NSUN6: variants seen among roughly 807,000 people sequenced by gnomAD.
NSUN6 encodes tRNA (cytosine(72)-C(5))-methyltransferase NSUN6.
Under a neutral mutation model 58.0 loss-of-function variants are expected in NSUN6, and 64 were observed. The ratio of observed to expected loss-of-function variants is 1.10; its 90% CI spans 0.90 to 1.36. The LOEUF (loss-of-function observed/expected upper bound fraction) is 1.36. Ranked by LOEUF, NSUN6 falls within the 40% of genes most tolerant of loss-of-function variation. The probability of loss-of-function intolerance (pLI) is 0.00; values close to 1 mark genes in which losing one functional copy is unlikely to be tolerated. For synonymous variants in NSUN6, 231 were observed against 193.9 expected, an observed-to-expected ratio of 1.19 and a Z score of -1.59; for missense variants, 701 against 550.1, an observed-to-expected ratio of 1.27 and a Z score of -2.74.
intron 8 of NSUN6, among the ~76,000 whole-genome samples, chr10:18,572,045 CA>C (rs2056396620): frequency 6.6e-6 from 1 of 151,002 alleles, no homozygotes. Flanking sequence ...CATTCCTTTC[CA>C]TTCCATTTCC....
At chr10:18,652,528 A>G (rs927661121), upstream of NSUN6, 2 of 984,358 alleles carry the variant, frequency 2.0e-6, no homozygotes, top group Non-Finnish European at 1.2e-6. Context: ...TGACCATTAT[A>G]CCACACAACA....
intron 8 of NSUN6, among the ~76,000 whole-genome samples, chr10:18,555,906 A>AGAATGGAGTG (rs2054974844): frequency 7.1e-6 from 1 of 140,502 alleles, no homozygotes; most frequent in Non-Finnish European, 1.5e-5. Flanking sequence ...AATGGAATGG[A>AGAATGGAGTG]GAATGGAATG....
At chr10:18,657,024 C>G (rs2059785312), upstream of NSUN6, among the ~76,000 whole-genome samples, 1 of 151,946 alleles carries the variant, frequency 6.6e-6, no homozygotes, top group Non-Finnish European at 1.5e-5. Context: ...GACAGGATTT[C>G]TCCATGTTGT....
chr10:18,627,934 T>C (rs182532944), intron 3 of NSUN6, among the ~76,000 whole-genome samples: 7,293 of 152,346 alleles, frequency 0.048, 237 homozygotes, highest in Non-Finnish European at 0.072. Flanking sequence ...CCTGCCTCTG[T>C]AGGCTCCACC....
At chr10:18,569,453 ACCTCCATTCCATTCCTTTCCAT>A (rs1256659885) in intron 8 of NSUN6, among the ~76,000 whole-genome samples, 1 of 126,438 alleles carries the variant, frequency 7.9e-6, no homozygotes, top group African/African-American at 3.0e-5. Context: ...CTCCTTACCA[ACCTCCATTCCATTCCTTTCCAT>A]CCTCCATTCC....
At chr10:18,588,818 G>A (rs1169844536) in intron 7 of NSUN6, among the ~76,000 whole-genome samples, 2 of 152,174 alleles carry the variant, frequency 1.3e-5, no homozygotes. Flanking sequence ...GGAAATAACA[G>A]CACAAAAATG....
At chr10:18,550,926 A>T (rs2054559790) in intron 9 of NSUN6, among the ~76,000 whole-genome samples, 1 of 152,068 alleles carries the variant, frequency 6.6e-6, no homozygotes, top group Admixed American at 6.6e-5. Flanking sequence ...GGGTTTTGCC[A>T]TGTTGGCCAG....
chr10:18,575,743 C>CAGGAG (rs1240967989), intron 8 of NSUN6, among the ~76,000 whole-genome samples: 3 of 152,300 alleles, frequency 2.0e-5, no homozygotes, highest in East Asian at 3.9e-4. Flanking sequence ...AGATACTGGT[C>CAGGAG]TTTCTCCTTA....
chr10:18,567,890 C>T (rs904292272), intron 8 of NSUN6, among the ~76,000 whole-genome samples: 3 of 150,864 alleles, frequency 2.0e-5, no homozygotes, highest in Admixed American at 1.3e-4. Flanking sequence ...TCCTCCATTC[C>T]ATTCTATTCA....
At chr10:18,649,092 C>G (rs751837826) in intron 1 of NSUN6, among the ~76,000 whole-genome samples, 1 of 151,968 alleles carries the variant, frequency 6.6e-6, no homozygotes, top group African/African-American at 2.4e-5. Flanking sequence ...TTTTAAAATA[C>G]CAATATTTAA....
At chr10:18,580,801 C>A (rs935005370) in intron 8 of NSUN6, among the ~76,000 whole-genome samples, 1 of 152,200 alleles carries the variant, frequency 6.6e-6, no homozygotes, top group Non-Finnish European at 1.5e-5. Context: ...CCCAAGTGAA[C>A]TTGCTAGCAG....
At chr10:18,555,314 G>C (rs1200528168) in intron 8 of NSUN6, among the ~76,000 whole-genome samples, 3 of 141,984 alleles carry the variant, frequency 2.1e-5, no homozygotes, top group Non-Finnish European at 4.6e-5. Context: ...ATGGAATAGA[G>C]TGGAATGGAG....
intron 2 of NSUN6, among the ~76,000 whole-genome samples, chr10:18,646,873 C>A (rs893796677): frequency 6.6e-6 from 1 of 152,106 alleles, no homozygotes; most frequent in Non-Finnish European, 1.5e-5. Context: ...ATGGATACTT[C>A]CAGTGGGCCT....
At chr10:18,622,675 C>A (rs966244108) in intron 3 of NSUN6, among the ~76,000 whole-genome samples, 2 of 152,182 alleles carry the variant, frequency 1.3e-5, no homozygotes. Flanking sequence ...TGCCATTGCA[C>A]TCTAGCCTGG....
intron 8 of NSUN6, among the ~76,000 whole-genome samples, chr10:18,567,609 C>G (rs1325931378): frequency 6.7e-6 from 1 of 149,242 alleles, no homozygotes; most frequent in Non-Finnish European, 1.5e-5. Context: ...CCATTCCATT[C>G]TCTATTCCAT....
intron 3 of NSUN6, among the ~76,000 whole-genome samples, chr10:18,627,522 G>A (rs1391604212): frequency 6.6e-6 from 1 of 152,194 alleles, no homozygotes; most frequent in African/African-American, 2.4e-5. Context: ...ACTAGGGAGT[G>A]CCAGACAGTG....
chr10:18,658,575 A>G (rs2059803561), upstream of NSUN6: 1 of 588,118 alleles, frequency 1.7e-6, no homozygotes, highest in Non-Finnish European at 2.1e-6. Flanking sequence ...GGATCCACGA[A>G]CATACCTAAT....
intron 8 of NSUN6, among the ~76,000 whole-genome samples, chr10:18,583,943 C>T (rs7895784): frequency 0.39 from 59,287 of 152,102 alleles, 12,214 homozygotes; most frequent in East Asian, 0.74. Flanking sequence ...CCTTCAGAAA[C>T]GCAAATTTAA....
intron 3 of NSUN6, among the ~76,000 whole-genome samples, chr10:18,640,300 G>A (rs990719076): frequency 6.6e-6 from 1 of 152,114 alleles, no homozygotes; most frequent in African/African-American, 2.4e-5. Flanking sequence ...AAAGTGGGAG[G>A]TGAGGTGGGA....
Sources: gnomAD v4.1 joint callset for allele counts (sites outside exome capture counted in the v4.1 genomes callset) on GRCh38, gnomAD v4.1.1 for gene constraint, MANE v1.5 for transcripts, NCBI Gene and HGNC (gene_info 2026-07-23, HGNC 2026-07-21) for gene names.